C11orf58: variants seen among roughly 807,000 people sequenced by gnomAD.
C11orf58 encodes the protein small acidic protein.
Under a neutral mutation model 22.7 loss-of-function variants are expected in C11orf58, and 5 were observed. That is an observed-to-expected ratio of 0.22 (90% CI 0.12 to 0.46). The LOEUF (loss-of-function observed/expected upper bound fraction) is 0.46, where lower values mean the gene tolerates loss of function less well. Ranked by LOEUF, C11orf58 falls within the 20% of genes least tolerant of loss-of-function variation. The pLI is 0.99. For synonymous variants in C11orf58, 71 were observed against 70.7 expected, an observed-to-expected ratio of 1.00 and a Z score of -0.02; for missense variants, 151 against 223.3, an observed-to-expected ratio of 0.68 and a Z score of 2.06.
chr11:16,756,928 A>AAAAAAG lies in C11orf58; in HGVS notation c.*1824_*1825insAAAAAG, dbSNP rs1848584074. ...CATCTCAAAAAAAAAAAAAAAAAAA[A>AAAAAAG]TTTAGAATGTGTTAGAGAAATTTAA... On this transcript the variant is annotated 3_prime_UTR_variant, in exon 5 of 5. Coordinates refer to ENST00000228136, the MANE Select transcript of C11orf58 (RefSeq NM_014267.6). 6.8e-6 allele frequency: 1 copy of AAAAAAG among 147,150 alleles called. No individual in the cohort carries two copies. The highest frequency in any genetic ancestry group is 1.5e-5 in the Non-Finnish European group (1 of 66,822). The allele number at this position is 147,150 out of a possible 1,614,324, so 9.1% of individuals were successfully genotyped here.
Position 16,739,286 on chromosome 11 carries a change from A to G in C11orf58, c.63+445A>G, listed in dbSNP as rs189101421. ...TTTTCCTGCCTGGATGATTTTTACA[A>G]TGTGCTGTTGAGAGTTAACTTTAGC... On this transcript the variant is annotated intron_variant, in intron 1 of 4. Transcript: ENST00000228136. 7.9e-5 allele frequency among the ~76,000 whole-genome samples: 12 copies of G among 152,250 alleles called. No homozygotes were observed. The East Asian group carries it at 2.3e-3, about 29-fold the overall frequency.
Position 16,754,547 on chromosome 11 carries a change from C to CTTTTTTTTTTT in C11orf58, c.319-296_319-286dup, listed in dbSNP as rs573626223. On this transcript the variant is annotated intron_variant, in intron 4 of 4. Transcript: ENST00000228136. ...TTTTAGTTTCTCTCTCTCTCTCTCC[C>CTTTTTTTTTTT]TTTTTTTTTTTTTTTTTTTTTTTTT... 3.8e-4 allele frequency among the ~76,000 whole-genome samples: 12 copies of CTTTTTTTTTTT among 31,496 alleles called. 6 individuals carry two copies. Among genetic ancestry groups the CTTTTTTTTTTT allele is most frequent in the Non-Finnish European group, 7.8e-4 (12 of 15,288 alleles). 20.7% of individuals were successfully genotyped at this position (31,496 alleles called of 152,430 possible).
rs1379675816 is a variant in C11orf58, at chr11:16,758,276, A to G, written c.*3172A>G. Among the ~76,000 whole-genome samples the G allele has an allele frequency of 6.6e-6, 1 of 152,166 alleles. No homozygotes were observed. The highest frequency in any genetic ancestry group is 1.5e-5 in the Non-Finnish European group (1 of 68,038). ...GTATCCAAGCCCTCCTACCCTCACC[A>G]GTTATTTCTGGAGAAAGATCACCAA... On this transcript the variant is annotated 3_prime_UTR_variant, in exon 5 of 5. Coordinates refer to ENST00000228136, the MANE Select transcript of C11orf58 (RefSeq NM_014267.6).
At chr11:16,742,794 ATTCT>A (rs1212828849) in intron 1 of C11orf58, among the ~76,000 whole-genome samples, 3 of 152,172 alleles carry the variant, frequency 2.0e-5, no homozygotes, top group Non-Finnish European at 4.4e-5. Flanking sequence ...CGAAATTTAT[ATTCT>A]TTGTTTTCCT....
At chr11:16,752,500 T>G (rs1848541423) in intron 3 of C11orf58, 1 of 200,050 alleles carries the variant, frequency 5.0e-6, no homozygotes, top group South Asian at 1.5e-4. Flanking sequence ...TAGAGAGTTT[T>G]TATTAGGTGA....
chr11:16,739,593 T>A (rs539187278), intron 1 of C11orf58: 6 of 152,348 alleles, frequency 3.9e-5, no homozygotes, highest in Non-Finnish European at 8.8e-5. Flanking sequence ...GAGAGAAATA[T>A]GATGCTTATT....
chr11:16,744,080 GTTAAAAT>G (rs1216805977), intron 1 of C11orf58, among the ~76,000 whole-genome samples: 4 of 144,226 alleles, frequency 2.8e-5, no homozygotes, highest in Non-Finnish European at 4.5e-5. Flanking sequence ...CAACTGAAAA[GTTAAAAT>G]TTTCTCTCTT....
At chr11:16,741,533 A>G (rs1411392241) in intron 1 of C11orf58, among the ~76,000 whole-genome samples, 8 of 152,234 alleles carry the variant, frequency 5.3e-5, no homozygotes, top group Non-Finnish European at 1.2e-4. Context: ...CATTTGGGCA[A>G]GTACTCACTG....
At chr11:16,754,547 CTTTTTTTTTTTTTTT>C (rs573626223) in intron 4 of C11orf58, among the ~76,000 whole-genome samples, 37 of 31,496 alleles carry the variant, frequency 1.2e-3, no homozygotes, top group African/African-American at 3.5e-3. Context: ...CTCTCTCTCC[CTTTTTTTTTTTTTTT>C]TTTTTTTTTT....
intron 3 of C11orf58, 179 bp downstream of exon 3, chr11:16,748,336 G>C: frequency 2.0e-6 from 1 of 506,362 alleles, no homozygotes; most frequent in Non-Finnish European, 3.5e-6. Flanking sequence ...GTTAAAGTGG[G>C]AGGATCACTT....
At chr11:16,741,244 A>G (rs896906636) in intron 1 of C11orf58, among the ~76,000 whole-genome samples, 2 of 152,190 alleles carry the variant, frequency 1.3e-5, no homozygotes, top group African/African-American at 4.8e-5. Context: ...TTACTATTAA[A>G]AGTAGATACT....
At position 16,756,651 on chromosome 11, in the gene C11orf58, A is replaced by G. The variant is rs185991654; in HGVS notation, c.*1547A>G. Among the ~76,000 whole-genome samples, 39 of 151,548 alleles carry G rather than the reference A, an allele frequency of 2.6e-4. 1 individual carries two copies. Among genetic ancestry groups the G allele is most frequent in the Admixed American group, 2.3e-3 (35 of 15,238 alleles). On this transcript the variant is annotated 3_prime_UTR_variant, in exon 5 of 5. Transcript: ENST00000228136. ...TTGCCATGTGCGGTGGCTCACACCT[A>G]TAATCCCAGCACTTTGGGAGGCCGA... is the stretch of plus-strand genomic sequence containing the variant.
At chr11:16,753,235 G>A (rs11024033) in intron 4 of C11orf58, among the ~76,000 whole-genome samples, 42,174 of 149,868 alleles carry the variant, frequency 0.28, 6,474 homozygotes, top group East Asian at 0.48. Flanking sequence ...CTGCCATCAC[G>A]CCCAGCCAAT....
At position 16,757,087 on chromosome 11, in the gene C11orf58, T is replaced by C. The variant is rs1404277840; in HGVS notation, c.*1983T>C. On this transcript the variant is annotated 3_prime_UTR_variant, in exon 5 of 5. Transcript: ENST00000228136. The stretch of plus-strand genomic sequence containing the variant: ...TTTGAAAAATAGATGCTATCCTCTA[T>C]AGTAAAATATTGAATCACTTTATAG... Among the ~76,000 whole-genome samples, 1 of 151,560 alleles carries C rather than the reference T, an allele frequency of 6.6e-6. No homozygotes were observed. Among genetic ancestry groups the C allele is most frequent in the Admixed American group, 6.7e-5 (1 of 15,034 alleles).
In C11orf58 at chr11:16,738,667, C is replaced by A; in HGVS notation, c.-112C>A. On this transcript the variant is annotated 5_prime_UTR_variant, in exon 1 of 5. The change creates a new upstream start codon in the 5' untranslated region. Transcript: ENST00000228136. ...GTGGCAGAGAAGGCCCGGAGGGGCT[C>A]TGCGTTCTGTAGTGGCGCTGCTTGG... The A allele has an allele frequency of 8.1e-7, 1 of 1,230,760 alleles. No individual in the cohort carries two copies. Among genetic ancestry groups the A allele is most frequent in the Non-Finnish European group, 1.2e-6 (1 of 837,666 alleles). The allele number at this position is 1,230,760 out of a possible 1,614,324, so 76.2% of individuals were successfully genotyped here.
At chr11:16,749,602 A>T (rs1393673745) in intron 3 of C11orf58, 1 of 152,212 alleles carries the variant, frequency 6.6e-6, no homozygotes, top group Non-Finnish European at 1.5e-5. Context: ...TGGCCACCTG[A>T]GCTCCGCATC....
At chr11:16,739,425 T>C (rs1210884240) in intron 1 of C11orf58, 1 of 153,182 alleles carries the variant, frequency 6.5e-6, no homozygotes, top group Non-Finnish European at 1.5e-5. Context: ...GAAGCCCATT[T>C]TGATGTCGGA....
chr11:16,753,013 A>T (rs1848545904), intron 4 of C11orf58, 119 bp downstream of exon 4: 1 of 681,422 alleles, frequency 1.5e-6, no homozygotes, highest in African/African-American at 1.8e-5. Flanking sequence ...GTATGTAGTT[A>T]TCTTAAAAAT....
At chr11:16,748,240 T>C in intron 3 of C11orf58, 83 bp downstream of exon 3, 1 of 1,204,150 alleles carries the variant, frequency 8.3e-7, no homozygotes, top group Non-Finnish European at 1.2e-6. Context: ...TATTCTACTT[T>C]GGCATGTAAT....
Sources: allele counts gnomAD v4.1 joint callset (sites outside exome capture counted in the v4.1 genomes callset), GRCh38; gene constraint gnomAD v4.1.1; transcripts MANE v1.5; gene names NCBI Gene and HGNC (gene_info 2026-07-23, HGNC 2026-07-21).